The following NT5C2 variants were observed in gnomAD, a reference collection of about 807,000 sequenced individuals.
NT5C2 encodes the protein 5'-nucleotidase, cytosolic II.
NT5C2 carries 58 observed loss-of-function variants against 76.1 expected under a neutral mutation model. That is an observed-to-expected ratio of 0.76 (90% CI 0.62 to 0.95). The LOEUF is 0.95. Among genes scored for constraint, NT5C2 ranks in the 40% least tolerant of loss-of-function variants. NT5C2 has a pLI of 0.00. For synonymous variants in NT5C2, 229 were observed against 237.4 expected, an observed-to-expected ratio of 0.96 and a Z score of 0.32; for missense variants, 478 against 690.3, an observed-to-expected ratio of 0.69 and a Z score of 3.45.
intron 4 of NT5C2, among the ~76,000 whole-genome samples, chr10:103,116,130 A>T (rs1281451452): frequency 6.6e-6 from 1 of 152,114 alleles, no homozygotes; most frequent in Admixed American, 6.5e-5. Flanking sequence ...ATGCCTTTTT[A>T]AAAAAACCAT....
rs758177266 is a variant in NT5C2 at position 103,092,100 on chromosome 10, TAGTACAGAC to T, written c.1160-494_1160-486del. 2.4e-4 allele frequency among the ~76,000 whole-genome samples: 37 copies of T among 152,326 alleles called. No homozygotes were observed. The South Asian group carries it at 2.5e-3, about 10-fold the overall frequency. ...AAGGCTAGCCAGAAAATCCCACTGA[TAGTACAGAC>T]AGTAACAGCAACAGCCAGCATCTAC... is the stretch of plus-strand genomic sequence containing the variant. On this transcript the variant is annotated intron_variant, in intron 15 of 18. Transcript: ENST00000404739.
chr10:103,116,585 TTC>T (rs2074390489), intron 4 of NT5C2, among the ~76,000 whole-genome samples: 1 of 133,898 alleles, frequency 7.5e-6, no homozygotes, highest in Admixed American at 7.3e-5. Context: ...TTTTTTTTTT[TTC>T]TTTTTTTTTT....
chr10:103,133,133 C>G (rs985854265), intron 4 of NT5C2, among the ~76,000 whole-genome samples: 1 of 152,140 alleles, frequency 6.6e-6, no homozygotes, highest in Non-Finnish European at 1.5e-5. Flanking sequence ...CTCACAAGAT[C>G]TGATGGTTTT....
intron 3 of NT5C2, among the ~76,000 whole-genome samples, chr10:103,145,052 G>A (rs902351142): frequency 3.3e-5 from 5 of 152,286 alleles, no homozygotes; most frequent in African/African-American, 1.2e-4. Flanking sequence ...GGGAGGCGCA[G>A]TGTGGAATTA....
At chr10:103,138,939 G>T (rs2079857735) in intron 4 of NT5C2, among the ~76,000 whole-genome samples, 1 of 152,136 alleles carries the variant, frequency 6.6e-6, no homozygotes, top group Non-Finnish European at 1.5e-5. Flanking sequence ...CCCAGGAGGT[G>T]GAAGTTGCAG....
chr10:103,159,373 T>C (rs1044523384), intron 3 of NT5C2, among the ~76,000 whole-genome samples: 1 of 151,570 alleles, frequency 6.6e-6, no homozygotes, highest in Non-Finnish European at 1.5e-5. Flanking sequence ...TTCCATAAAC[T>C]AGCAATGAAC....
At chr10:103,095,084 A>G (rs1161527572) in intron 12 of NT5C2, among the ~76,000 whole-genome samples, 2 of 152,230 alleles carry the variant, frequency 1.3e-5, no homozygotes, top group African/African-American at 4.8e-5. Context: ...AGAGCTAGGG[A>G]GAGATGCAAA....
intron 4 of NT5C2, among the ~76,000 whole-genome samples, chr10:103,107,976 G>A (rs2071808126): frequency 6.6e-6 from 1 of 152,046 alleles, no homozygotes; most frequent in Admixed American, 6.5e-5. Context: ...CCAACACAGT[G>A]AAACCCCGTC....
At chr10:103,121,731 C>T (rs567038608) in intron 4 of NT5C2, among the ~76,000 whole-genome samples, 3 of 152,180 alleles carry the variant, frequency 2.0e-5, no homozygotes, top group East Asian at 1.9e-4. Flanking sequence ...TTGTTAATGC[C>T]AAGTGCTTAG....
chr10:103,108,797 G>A (rs1402703203), intron 4 of NT5C2, among the ~76,000 whole-genome samples: 2 of 151,908 alleles, frequency 1.3e-5, no homozygotes, highest in Non-Finnish European at 2.9e-5. Context: ...TTCTTTTGTT[G>A]TCACAAGGGT....
chr10:103,093,034 A>G, intron 15 of NT5C2, 105 bp downstream of exon 15: 1 of 924,706 alleles, frequency 1.1e-6, no homozygotes, highest in Non-Finnish European at 1.5e-6. Context: ...CTGCCTTTTG[A>G]CCACCTCTGA....
intron 16 of NT5C2, 99 bp downstream of exon 16, chr10:103,091,465 C>A (rs2066863584): frequency 1.2e-5 from 11 of 908,666 alleles, no homozygotes; most frequent in Non-Finnish European, 2.0e-5. Flanking sequence ...CCTGCCTCAG[C>A]CTCCCAAATA....
At chr10:103,185,134 C>T (rs182492211) in intron 1 of NT5C2, among the ~76,000 whole-genome samples, 8 of 152,150 alleles carry the variant, frequency 5.3e-5, no homozygotes, top group African/African-American at 1.4e-4. Context: ...TGAATAATAC[C>T]GGACCTTCAA....
At chr10:103,139,553 A>G (rs1036252517) in intron 3 of NT5C2, 74 bp from the exon 4 acceptor site, 25 of 1,060,616 alleles carry the variant, frequency 2.4e-5, no homozygotes, top group Non-Finnish European at 2.0e-5. Context: ...TTATTTGGCT[A>G]TTTTTCTAGG....
intron 4 of NT5C2, among the ~76,000 whole-genome samples, chr10:103,116,703 T>C (rs997010926): frequency 6.6e-6 from 1 of 151,134 alleles, no homozygotes; most frequent in Non-Finnish European, 1.5e-5. Flanking sequence ...GCCTCCCCAG[T>C]AGCTGGGGCT....
At chr10:103,161,589 G>A (rs2084900033) in intron 3 of NT5C2, among the ~76,000 whole-genome samples, 1 of 152,094 alleles carries the variant, frequency 6.6e-6, no homozygotes, top group African/African-American at 2.4e-5. Flanking sequence ...AGTGGCTTGT[G>A]CCTGTAGTGC....
chr10:103,143,958 C>G (rs1409074441), intron 3 of NT5C2, among the ~76,000 whole-genome samples: 3 of 151,952 alleles, frequency 2.0e-5, no homozygotes, highest in African/African-American at 4.8e-5. Context: ...CTGTCTCAAA[C>G]AAAGAAACAA....
At chr10:103,162,917 A>C (rs2085296549) in intron 3 of NT5C2, among the ~76,000 whole-genome samples, 1 of 152,150 alleles carries the variant, frequency 6.6e-6, no homozygotes, top group Non-Finnish European at 1.5e-5. Context: ...CCATCACCCC[A>C]AAAAACTCTC....
chr10:103,120,585 C>T (rs1307032849), intron 4 of NT5C2, among the ~76,000 whole-genome samples: 1 of 152,214 alleles, frequency 6.6e-6, no homozygotes, highest in Non-Finnish European at 1.5e-5. Flanking sequence ...GATACCGTAA[C>T]TTCACACCCA....
Sources: allele counts gnomAD v4.1 joint callset (sites outside exome capture counted in the v4.1 genomes callset), GRCh38; gene constraint gnomAD v4.1.1; transcripts MANE v1.5; gene names NCBI Gene and HGNC (gene_info 2026-07-23, HGNC 2026-07-21).